Variants in ZFR2 observed in about 807,000 individuals in gnomAD.
The protein encoded by ZFR2 is zinc finger RNA-binding protein 2.
ZFR2 carries 104 observed loss-of-function variants against 105.7 expected under a neutral mutation model. That is an observed-to-expected ratio of 0.98 (90% confidence interval 0.84 to 1.16). The LOEUF (loss-of-function observed/expected upper bound fraction) is 1.16. Ranked by LOEUF, ZFR2 falls within the 50% of genes most tolerant of loss-of-function variation. The pLI is 0.00. For synonymous variants in ZFR2, 634 were observed against 597.7 expected (o/e 1.06, Z -0.89); for missense variants, 1,425 against 1,355.5 (o/e 1.05, Z -0.80).
At chr19:3,859,977 T>C (rs2145192964) in intron 1 of ZFR2, among the ~76,000 whole-genome samples, 1 of 152,232 alleles carries the variant, frequency 6.6e-6, no homozygotes, top group East Asian at 1.9e-4. Flanking sequence ...CCCCAAAATG[T>C]CCCAACGTAT....
chr19:3,812,661 A>G (rs989154218), intron 14 of ZFR2, among the ~76,000 whole-genome samples: 2 of 152,138 alleles, frequency 1.3e-5, no homozygotes, highest in Non-Finnish European at 2.9e-5. Context: ...GCTAGCGCCA[A>G]AAGCCACTCT....
At chr19:3,859,668 G>GC (rs1367336282) in intron 1 of ZFR2, among the ~76,000 whole-genome samples, 1 of 152,236 alleles carries the variant, frequency 6.6e-6, no homozygotes, top group African/African-American at 2.4e-5. Context: ...AACGTGCCCT[G>GC]CCACACCAGA....
In ZFR2 at chr19:3,838,769, T is replaced by C. The variant is rs1455884686; in HGVS notation, c.54-3786A>G. 6.6e-6 allele frequency among the ~76,000 whole-genome samples: 1 copy of C among 152,134 alleles called. No individual in the cohort carries two copies. The highest frequency in any genetic ancestry group is 2.4e-5 in the African/African-American group (1 of 41,424). On this transcript the variant is annotated intron_variant, in intron 1 of 18. Coordinates refer to ENST00000262961, the MANE Select transcript of ZFR2 (RefSeq NM_015174.2). This position sits in a 1 kb window ranked among gnomAD's most constrained non-coding sequence, Gnocchi z 4.9. ...CTGATCAGCCTCTGTCCCCTGGTCC[T>C]GCTTTTTCTTCTTCCTGGCACCACC... is the stretch of plus-strand genomic sequence containing the variant.
chr19:3,812,004 C>T (rs972019256), intron 14 of ZFR2, among the ~76,000 whole-genome samples: 16 of 152,006 alleles, frequency 1.1e-4, no homozygotes, highest in African/African-American at 3.4e-4. Flanking sequence ...AATGCAGTGG[C>T]GCAATCTTGG....
At chr19:3,868,354 G>A (rs2038458278) in intron 1 of ZFR2, among the ~76,000 whole-genome samples, 1 of 143,670 alleles carries the variant, frequency 7.0e-6, no homozygotes, top group South Asian at 2.2e-4. Context: ...CACCCTCCCA[G>A]GTCTGTGTCT....
At chr19:3,832,665 T>G (rs1449370657) in intron 3 of ZFR2, among the ~76,000 whole-genome samples, 1 of 148,978 alleles carries the variant, frequency 6.7e-6, no homozygotes, top group African/African-American at 2.5e-5. Flanking sequence ...AGAGACAGGG[T>G]CTTGCTCTGC....
intron 13 of ZFR2, 99 bp from the exon 14 acceptor site, chr19:3,814,057 G>A (rs759252046): frequency 7.5e-5 from 115 of 1,525,618 alleles, no homozygotes; most frequent in East Asian, 2.7e-4. Flanking sequence ...TAATCCCGTC[G>A]GGCCTCCCAC....
intron 1 of ZFR2, among the ~76,000 whole-genome samples, chr19:3,842,266 G>A (rs771648462): frequency 4.6e-5 from 7 of 151,940 alleles, no homozygotes; most frequent in African/African-American, 9.7e-5. Context: ...TGCCCGCCTC[G>A]GCTTCCCAAA....
chr19:3,868,908 T>C (rs1599264178), intron 1 of ZFR2, 57 bp downstream of exon 1: 5 of 1,218,836 alleles, frequency 4.1e-6, no homozygotes, highest in Non-Finnish European at 5.2e-6. Context: ...GTAGGCGGGG[T>C]CCCGGCCAGG....
chr19:3,829,760 G>A (rs530825811), intron 5 of ZFR2, among the ~76,000 whole-genome samples: 3 of 152,168 alleles, frequency 2.0e-5, no homozygotes, highest in East Asian at 3.9e-4. Context: ...GCGATCTACC[G>A]GCTTCGGCCT....
intron 5 of ZFR2, among the ~76,000 whole-genome samples, chr19:3,831,093 A>G (rs2038009022): frequency 1.3e-5 from 2 of 152,046 alleles, no homozygotes; most frequent in South Asian, 2.1e-4. Context: ...ACATATACAC[A>G]TGCATAAACA....
intron 12 of ZFR2, among the ~76,000 whole-genome samples, chr19:3,818,088 T>C (rs1238133705): frequency 6.6e-6 from 1 of 152,284 alleles, no homozygotes; most frequent in Non-Finnish European, 1.5e-5. Context: ...GGGGTGTAGT[T>C]TGCACGTGTG....
At chr19:3,846,583 A>G (rs1032192133) in intron 1 of ZFR2, among the ~76,000 whole-genome samples, 2 of 152,246 alleles carry the variant, frequency 1.3e-5, no homozygotes, top group African/African-American at 4.8e-5. Flanking sequence ...GATTAGTTAC[A>G]TAAGCAGAAC....
At position 3,855,570 on chromosome 19, in the gene ZFR2, G is replaced by C. The variant is rs990483373; in HGVS notation, c.53+13395C>G. On this transcript the variant is annotated intron_variant, in intron 1 of 18. Transcript: ENST00000262961. ...TCCTCCAGGAGGGTGCTGCGCGATA[G>C]TCCAGGGAGACACGGGGTCAGCAAA... 1.0e-5 allele frequency: 7 copies of C among 673,092 alleles called. No homozygotes were observed. In the African/African-American group the frequency reaches 1.3e-4, roughly 13 times the overall value. 41.7% of individuals were successfully genotyped at this position (673,092 alleles called of 1,614,324 possible).
chr19:3,828,407 T>C (rs1424196946), intron 5 of ZFR2, among the ~76,000 whole-genome samples: 1 of 152,220 alleles, frequency 6.6e-6, no homozygotes, highest in African/African-American at 2.4e-5. Flanking sequence ...AAGGAGTTTC[T>C]TTGGAAAGCA....
intron 1 of ZFR2, among the ~76,000 whole-genome samples, chr19:3,839,915 G>C (rs889874648): frequency 4.6e-5 from 7 of 151,742 alleles, no homozygotes; most frequent in African/African-American, 1.5e-4. Flanking sequence ...GTGCAATGGC[G>C]CGATCACAGT....
chr19:3,839,374 A>G (rs1176754618), intron 1 of ZFR2, among the ~76,000 whole-genome samples: 3 of 151,750 alleles, frequency 2.0e-5, no homozygotes. Context: ...CTCTATTAAA[A>G]ATACAAAAAC....
At chr19:3,836,122 T>C (rs1274689873) in intron 1 of ZFR2, among the ~76,000 whole-genome samples, 1 of 152,164 alleles carries the variant, frequency 6.6e-6, no homozygotes, top group African/African-American at 2.4e-5. Context: ...AAATCATCTC[T>C]GGATTACTTA....
At chr19:3,807,729 TGTGTGTGCATGTGTGC>T (rs2037714214) in intron 17 of ZFR2, among the ~76,000 whole-genome samples, 1 of 110,052 alleles carries the variant, frequency 9.1e-6, no homozygotes, top group African/African-American at 3.6e-5. Context: ...TGTGCCCGTG[TGTGTGTGCATGTGTGC>T]CTGTGCATGC....
Sources: allele counts gnomAD v4.1 joint callset (sites outside exome capture counted in the v4.1 genomes callset), GRCh38; gene constraint gnomAD v4.1.1; non-coding constraint Gnocchi (gnomAD v3.1); transcripts MANE v1.5; gene names NCBI Gene and HGNC (gene_info 2026-07-23, HGNC 2026-07-21).